The following PWWP2A variants were observed in gnomAD, a reference collection of about 807,000 sequenced individuals.
The protein encoded by PWWP2A is PWWP domain containing 2A.
A neutral mutation model predicts 48.5 loss-of-function variants in PWWP2A; 18 were observed. That is an observed-to-expected ratio of 0.37 (90% CI 0.26 to 0.55). The LOEUF is 0.55. Among genes scored for constraint, PWWP2A ranks in the 20% least tolerant of loss-of-function variants. PWWP2A has a pLI of 0.81. For synonymous variants in PWWP2A, 396 were observed against 387.7 expected, an observed-to-expected ratio of 1.02 and a Z score of -0.25; for missense variants, 867 against 976.4, an observed-to-expected ratio of 0.89 and a Z score of 1.49.
Position 160,113,352 on chromosome 5 carries a change from G to A in PWWP2A, c.584+5453C>T, listed in dbSNP as rs1413367941. ...AATGCAAAAAATAATAATACAACAG[G>A]GAGGGGAAGCATTTCAAATGATTAC... On this transcript the variant is annotated intron_variant, in intron 1 of 1. Coordinates refer to ENST00000307063, the MANE Select transcript of PWWP2A (RefSeq NM_001130864.2). The A allele has an allele frequency of 4.1e-6, 4 of 981,806 alleles. No homozygotes were observed. The African/African-American group carries it at 7.0e-5, about 17-fold the overall frequency. The allele number at this position is 981,806 out of a possible 1,614,324, so 60.8% of individuals were successfully genotyped here. A position where few individuals can be genotyped will look rare whatever the true frequency, so the allele number is the denominator to read the frequency against.
chr5:160,116,268 G>A (rs1758128639), intron 1 of PWWP2A, among the ~76,000 whole-genome samples: 1 of 152,138 alleles, frequency 6.6e-6, no homozygotes, highest in South Asian at 2.1e-4. Flanking sequence ...TGTTGCCCAG[G>A]ATCCTCTGGA....
At chr5:160,087,865 CA>C (rs1246056905), downstream of PWWP2A, among the ~76,000 whole-genome samples, 1 of 152,084 alleles carries the variant, frequency 6.6e-6, no homozygotes, top group Non-Finnish European at 1.5e-5. Context: ...AAAGATAAGA[CA>C]AAGAGTTGTT....
chr5:160,105,625 T>C, intron 1 of PWWP2A: 1 of 925,836 alleles, frequency 1.1e-6, no homozygotes. Flanking sequence ...GGGACAAAAC[T>C]TACCTACTAA....
chr5:160,069,764 G>T (rs191502358), intron 2 of PWWP2A, among the ~76,000 whole-genome samples: 1 of 152,294 alleles, frequency 6.6e-6, no homozygotes, highest in African/African-American at 2.4e-5. Flanking sequence ...AGCCAGTCTA[G>T]CCTGTCTTGC....
chr5:160,090,347 G>GACAAATTTTGATGACA, downstream of PWWP2A: 1 of 984,182 alleles, frequency 1.0e-6, no homozygotes, highest in Non-Finnish European at 1.2e-6. Flanking sequence ...TGACTTTTAA[G>GACAAATTTTGATGACA]TCTTTCTGAA....
At chr5:160,106,742 C>A (rs144696937) in intron 1 of PWWP2A, among the ~76,000 whole-genome samples, 1 of 151,702 alleles carries the variant, frequency 6.6e-6, no homozygotes, top group African/African-American at 2.4e-5. Flanking sequence ...GGATTTAGAT[C>A]AGCCACCCGA....
the PWWP2A span, among the ~76,000 whole-genome samples, chr5:160,045,798 A>G: frequency 6.6e-6 from 1 of 151,742 alleles, no homozygotes; most frequent in Non-Finnish European, 1.5e-5. Context: ...GCTGGAGTGC[A>G]GTGGTGCCAT....
intron 1 of PWWP2A, among the ~76,000 whole-genome samples, chr5:160,110,844 C>A (rs1757486862): frequency 6.6e-6 from 1 of 151,054 alleles, no homozygotes; most frequent in Admixed American, 6.6e-5. Context: ...CCAGCCTGGC[C>A]AACATGATGA....
chr5:160,106,749 C>G (rs1581250707), intron 1 of PWWP2A, among the ~76,000 whole-genome samples: 1 of 152,034 alleles, frequency 6.6e-6, no homozygotes, highest in Admixed American at 6.6e-5. Context: ...GATCAGCCAC[C>G]CGAGTTGCCC....
intron 1 of PWWP2A, among the ~76,000 whole-genome samples, chr5:160,109,788 T>TATATATATATATAAAATAATATAATA: frequency 1.7e-5 from 2 of 117,448 alleles, no homozygotes; most frequent in Non-Finnish European, 3.5e-5. Context: ...TATATATATA[T>TATATATATATATAAAATAATATAATA]ATATATATAT....
intron 1 of PWWP2A, among the ~76,000 whole-genome samples, chr5:160,116,016 TA>T (rs1041509246): frequency 2.5e-4 from 38 of 152,168 alleles, no homozygotes; most frequent in Admixed American, 1.8e-3. Flanking sequence ...ATTAGTCCAA[TA>T]ATAATTCCTT....
chr5:160,109,774 AATATATATATATAT>A (rs1223846862), intron 1 of PWWP2A, among the ~76,000 whole-genome samples: 8 of 25,234 alleles, frequency 3.2e-4, no homozygotes, highest in Non-Finnish European at 5.0e-4. Context: ...AAAAAAAAAA[AATATATATATATAT>A]ATATATATAT....
intron 1 of PWWP2A, among the ~76,000 whole-genome samples, chr5:160,095,583 G>C (rs933884099): frequency 1.3e-5 from 2 of 151,822 alleles, no homozygotes; most frequent in Admixed American, 1.3e-4. Flanking sequence ...ATTGGCTTCA[G>C]GTAGTCAGTC....
At chr5:160,107,936 G>A (rs935733528) in intron 1 of PWWP2A, among the ~76,000 whole-genome samples, 10 of 152,016 alleles carry the variant, frequency 6.6e-5, no homozygotes, top group Non-Finnish European at 1.5e-4. Flanking sequence ...GAAAGGCGGA[G>A]GTTCCAGTGA....
At chr5:160,083,999 CTA>C (rs1754431910) in intron 2 of PWWP2A, among the ~76,000 whole-genome samples, 1 of 152,162 alleles carries the variant, frequency 6.6e-6, no homozygotes, top group Non-Finnish European at 1.5e-5. Context: ...AATAATCATG[CTA>C]TGATTTCTCA....
At chr5:160,069,842 T>G (rs1023578879) in intron 2 of PWWP2A, among the ~76,000 whole-genome samples, 2 of 152,262 alleles carry the variant, frequency 1.3e-5, no homozygotes, top group African/African-American at 4.8e-5. Context: ...AAGTTTTCAT[T>G]TTTTGCATCT....
At chr5:160,061,991 A>G (rs569016592) in exon 6 of PWWP2A, 5 of 152,394 alleles carry the variant, frequency 3.3e-5, no homozygotes, top group African/African-American at 1.2e-4. Context: ...TGCCCCTCAG[A>G]CGAGTCCCTC....
downstream of PWWP2A, among the ~76,000 whole-genome samples, chr5:160,087,201 A>T (rs1322718113): frequency 1.3e-5 from 2 of 152,108 alleles, no homozygotes; most frequent in African/African-American, 4.8e-5. Context: ...CAACAAAGGG[A>T]GACTTTGTCT....
intron 2 of PWWP2A, among the ~76,000 whole-genome samples, chr5:160,082,031 A>AT (rs1382537992): frequency 6.6e-6 from 1 of 152,210 alleles, no homozygotes; most frequent in African/African-American, 2.4e-5. Flanking sequence ...TGGGAAAATA[A>AT]TTTTTTAGGG....
Sources: allele counts gnomAD v4.1 joint callset (sites outside exome capture counted in the v4.1 genomes callset), GRCh38; gene constraint gnomAD v4.1.1; transcripts MANE v1.5; gene names NCBI Gene and HGNC (gene_info 2026-07-23, HGNC 2026-07-21).